Variants in TANC2 observed in about 807,000 individuals in gnomAD.
TANC2 encodes the protein tetratricopeptide repeat, ankyrin repeat and coiled-coil containing 2.
TANC2 carries 26 observed loss-of-function variants against 210.5 expected under a neutral mutation model. The observed-to-expected ratio is 0.12, with a 90% CI of 0.09 to 0.17. The LOEUF (loss-of-function observed/expected upper bound fraction) is 0.17, where lower values mean the gene tolerates loss of function less well. TANC2 is among the 10% of genes least tolerant of loss of function. The pLI is 1.00. For missense variants in TANC2, 2,129 were observed against 2,608.9 expected (o/e 0.82, Z 4.01); for synonymous variants, 931 against 967.1 (o/e 0.96, Z 0.69).
chr17:63,326,004 A>G (rs993656389), intron 11 of TANC2, among the ~76,000 whole-genome samples: 4 of 152,234 alleles, frequency 2.6e-5, no homozygotes, highest in African/African-American at 9.6e-5. Flanking sequence ...GGCTCAAGTA[A>G]TCAGTAATGT....
chr17:63,364,141 G>A (rs2047043052), intron 14 of TANC2, among the ~76,000 whole-genome samples: 1 of 152,152 alleles, frequency 6.6e-6, no homozygotes, highest in Admixed American at 6.5e-5. Context: ...CCAATGTCAT[G>A]GTTTTGTGAT....
intron 5 of TANC2, among the ~76,000 whole-genome samples, chr17:63,190,077 G>T (rs1313031760): frequency 6.6e-6 from 1 of 152,162 alleles, no homozygotes; most frequent in Non-Finnish European, 1.5e-5. Context: ...ACTCATGCCT[G>T]TAATTTTAGC....
chr17:63,359,746 A>G (rs1036866892), intron 14 of TANC2, among the ~76,000 whole-genome samples: 52 of 152,136 alleles, frequency 3.4e-4, no homozygotes, highest in Admixed American at 3.4e-3. Context: ...TGAGATTGTG[A>G]TGTGGGAGCC....
intron 8 of TANC2, among the ~76,000 whole-genome samples, chr17:63,266,854 A>ATTG (rs974994495): frequency 4.6e-5 from 7 of 151,534 alleles, no homozygotes; most frequent in Admixed American, 4.6e-4. Flanking sequence ...TTGTGGTGTT[A>ATTG]TTGTTGTTGT....
chr17:63,058,984 T>C (rs1290152519), intron 2 of TANC2, among the ~76,000 whole-genome samples: 1 of 152,188 alleles, frequency 6.6e-6, no homozygotes, highest in Admixed American at 6.5e-5. Context: ...AGAATGTCAT[T>C]GGTAGTTTGA....
At chr17:63,360,079 G>A (rs182533773) in intron 14 of TANC2, among the ~76,000 whole-genome samples, 2 of 152,324 alleles carry the variant, frequency 1.3e-5, no homozygotes, top group Non-Finnish European at 2.9e-5. Flanking sequence ...CCTCCCCAAA[G>A]TGAAAAATAA....
chr17:63,050,950 C>T (rs571578437), intron 2 of TANC2, among the ~76,000 whole-genome samples: 39 of 152,312 alleles, frequency 2.6e-4, no homozygotes, highest in African/African-American at 8.9e-4. Flanking sequence ...TTCATAGTCT[C>T]AATGTTAGTG....
chr17:63,216,462 G>A (rs898471083), intron 7 of TANC2, among the ~76,000 whole-genome samples: 8 of 152,172 alleles, frequency 5.3e-5, no homozygotes, highest in African/African-American at 1.7e-4. Context: ...TGAGTCCTGT[G>A]AACCATTCCA....
intron 9 of TANC2, among the ~76,000 whole-genome samples, chr17:63,282,222 T>C (rs2044079584): frequency 6.6e-6 from 1 of 152,054 alleles, no homozygotes; most frequent in South Asian, 2.1e-4. Flanking sequence ...AAATAAAATT[T>C]ATGAATCTTA....
intron 20 of TANC2, among the ~76,000 whole-genome samples, chr17:63,405,635 A>G (rs993888709): frequency 1.3e-5 from 2 of 152,158 alleles, no homozygotes; most frequent in Non-Finnish European, 2.9e-5. Flanking sequence ...TAACAACACA[A>G]TCCTTTTAGA....
chr17:63,158,684 G>A (rs1010054072), intron 5 of TANC2, among the ~76,000 whole-genome samples: 1 of 152,082 alleles, frequency 6.6e-6, no homozygotes, highest in Admixed American at 6.5e-5. Context: ...CTTCAGAGTA[G>A]GTATTTGTAT....
chr17:62,977,492 C>A (rs1007946944), intron 1 of TANC2, among the ~76,000 whole-genome samples: 3 of 152,036 alleles, frequency 2.0e-5, no homozygotes, highest in Non-Finnish European at 4.4e-5. Context: ...TATAATGAGT[C>A]TTCTCCTTGC....
chr17:63,274,800 A>G (rs1190845957), intron 9 of TANC2, among the ~76,000 whole-genome samples: 19 of 152,258 alleles, frequency 1.2e-4, no homozygotes, highest in Non-Finnish European at 2.8e-4. Context: ...CCTGGGCAAC[A>G]GTCTCAAAAA....
chr17:63,163,393 T>C (rs2040096000), intron 5 of TANC2, among the ~76,000 whole-genome samples: 1 of 152,134 alleles, frequency 6.6e-6, no homozygotes, highest in African/African-American at 2.4e-5. Context: ...AAAATTGTTA[T>C]TGTAATACTG....
At chr17:63,396,141 A>G in intron 18 of TANC2, 1 of 527,042 alleles carries the variant, frequency 1.9e-6, no homozygotes, top group Non-Finnish European at 3.4e-6. Context: ...GCGAGTTGGA[A>G]AGGACCGTGG....
chr17:63,427,103 C>G (rs1231757816), exon 28 of TANC2: 3 of 152,254 alleles, frequency 2.0e-5, no homozygotes, highest in East Asian at 1.9e-4. Flanking sequence ...TTGGCTGATT[C>G]CTGCTGAGTG....
chr17:63,412,797 C>A lies in TANC2; in HGVS notation c.3928+88C>A. 2 of 1,427,030 alleles carry A rather than the reference C, an allele frequency of 1.4e-6. No individual in the cohort carries two copies. Among genetic ancestry groups the A allele is most frequent in the South Asian group, 2.6e-5 (2 of 76,558 alleles). The allele number at this position is 1,427,030 out of a possible 1,614,324, so 88.4% of individuals were successfully genotyped here. A position where few individuals can be genotyped will look rare whatever the true frequency, so the allele number is the denominator to read the frequency against. Reference sequence around the variant, plus strand: ...TCTTTGGTTTAGCCTGCATGAGTTCCCTACACCTCTAATCTTTTAATTTAC... The same window carrying A: ...TCTTTGGTTTAGCCTGCATGAGTTCACTACACCTCTAATCTTTTAATTTAC... On this transcript the variant is annotated intron_variant, in intron 24 of 27. Coordinates refer to ENST00000689528, the Ensembl canonical transcript of TANC2. The surrounding 1 kb of genome is among the most constrained non-coding windows in gnomAD (Gnocchi z 4.2).
At chr17:63,327,837 A>G (rs1280552438) in intron 11 of TANC2, among the ~76,000 whole-genome samples, 2 of 152,244 alleles carry the variant, frequency 1.3e-5, no homozygotes, top group East Asian at 3.9e-4. Context: ...GGTTAGTTAC[A>G]TATGTATACA....
Position 63,421,319 on chromosome 17 carries a change from C to G in TANC2, c.5589C>G (p.Gly1863=). 1 of 1,614,042 alleles carries G rather than the reference C, an allele frequency of 6.2e-7. No homozygotes were observed. The highest frequency in any genetic ancestry group is 1.7e-5 in the Admixed American group (1 of 60,030). Residue 1863 remains glycine, a synonymous_variant, in exon 28 of 28, where the codon GGC becomes GGG. Transcript: ENST00000689528. This position sits in a 1 kb window ranked among gnomAD's most constrained non-coding sequence, Gnocchi z 6.9. ...CGTTGCTGCATTCCCAAAGTGTAGG[C>G]CTTCGCTTCTCTCCATCTAGCAATA...
Sources: gnomAD v4.1 joint callset for allele counts (sites outside exome capture counted in the v4.1 genomes callset) on GRCh38, gnomAD v4.1.1 for gene constraint, Gnocchi (gnomAD v3.1) non-coding constraint, MANE v1.5 for transcripts, NCBI Gene and HGNC (gene_info 2026-07-23, HGNC 2026-07-21) for gene names.